The following CCNYL1 variants were observed in gnomAD, a reference collection of about 807,000 sequenced individuals.
The protein encoded by CCNYL1 is cyclin-Y-like protein 1.
A neutral mutation model predicts 44.2 loss-of-function variants in CCNYL1; 16 were observed. The observed-to-expected ratio is 0.36, with a 90% CI of 0.25 to 0.55. CCNYL1 has a LOEUF of 0.55. Among genes scored for constraint, CCNYL1 ranks in the 20% least tolerant of loss-of-function variants. The pLI, the probability that CCNYL1 is intolerant of heterozygous loss-of-function variation, is 0.85. For missense variants in CCNYL1, 348 were observed against 451.8 expected (o/e 0.77, Z 2.08); for synonymous variants, 159 against 163.2 (o/e 0.97, Z 0.20).
chr2:207,716,334 C>CCT (rs930284405), intron 1 of CCNYL1, among the ~76,000 whole-genome samples: 1 of 143,562 alleles, frequency 7.0e-6, no homozygotes. Flanking sequence ...TATTTTAAGC[C>CCT]CTCTCTTTTT....
chr2:207,716,464 T>C (rs1164844960), intron 1 of CCNYL1, among the ~76,000 whole-genome samples: 1 of 152,176 alleles, frequency 6.6e-6, no homozygotes, highest in African/African-American at 2.4e-5. Context: ...ATGAGATCAT[T>C]CTATATGAGC....
At chr2:207,727,743 T>G (rs552672806) in intron 3 of CCNYL1, among the ~76,000 whole-genome samples, 2 of 152,310 alleles carry the variant, frequency 1.3e-5, no homozygotes, top group South Asian at 4.1e-4. Context: ...CTAAGACTGT[T>G]CTGTGCCTGT....
At chr2:207,712,163 G>A in intron 1 of CCNYL1, 47 bp downstream of exon 1, 1 of 1,519,764 alleles carries the variant, frequency 6.6e-7, no homozygotes, top group Admixed American at 1.8e-5. Context: ...ACCTCTGCCC[G>A]CCTCCTCCCC....
rs761041046 is a variant in CCNYL1, at chr2:207,754,622, T to TTTTG, written c.*932_*935dup. ...CATGATTTGAAAGTTTTTTGTTTTGTTTTGTTTGTTTTTAAAGAGATGGGG... is the reference window on the plus strand; with the variant it reads ...CATGATTTGAAAGTTTTTTGTTTTGTTTTGTTTGTTTGTTTTTAAAGAGATGGGG... On this transcript the variant is annotated 3_prime_UTR_variant, in exon 10 of 10. Coordinates refer to ENST00000295414, the MANE Select transcript of CCNYL1 (RefSeq NM_001330218.2). The TTTTG allele has an allele frequency of 4.6e-5, 7 of 152,324 alleles. No homozygotes were observed. Among genetic ancestry groups the TTTTG allele is most frequent in the East Asian group, 1.9e-4 (1 of 5,130 alleles). 9.4% of individuals were successfully genotyped at this position (152,324 alleles called of 1,614,324 possible). A position where few individuals can be genotyped will look rare whatever the true frequency, so the allele number is the denominator to read the frequency against.
chr2:207,722,719 G>T (rs2091650145), intron 1 of CCNYL1, among the ~76,000 whole-genome samples: 1 of 152,066 alleles, frequency 6.6e-6, no homozygotes, highest in Non-Finnish European at 1.5e-5. Context: ...CCAGAACTTT[G>T]GGAGGCCGAG....
intron 3 of CCNYL1, among the ~76,000 whole-genome samples, chr2:207,731,321 C>T (rs1478742683): frequency 6.6e-6 from 1 of 152,112 alleles, no homozygotes; most frequent in African/African-American, 2.4e-5. Context: ...TCAGTTGTGA[C>T]TCAGTAGATT....
chr2:207,720,996 A>G (rs1201608098), intron 1 of CCNYL1, among the ~76,000 whole-genome samples: 1 of 152,126 alleles, frequency 6.6e-6, no homozygotes, highest in African/African-American at 2.4e-5. Context: ...GTGACCTCAG[A>G]TGAGGCAGGG....
At chr2:207,742,994 A>G (rs2091822726) in intron 7 of CCNYL1, among the ~76,000 whole-genome samples, 1 of 152,360 alleles carries the variant, frequency 6.6e-6, no homozygotes, top group South Asian at 2.1e-4. Flanking sequence ...ATCCTATTCA[A>G]GTGGTTAGGA....
chr2:207,726,798 G>A, intron 2 of CCNYL1, 44 bp from the exon 3 acceptor site: 3 of 1,355,964 alleles, frequency 2.2e-6, no homozygotes, highest in Non-Finnish European at 3.1e-6. Context: ...TTTATACTGT[G>A]GCATTTGTAT....
chr2:207,717,096 G>A (rs564133045), intron 1 of CCNYL1, among the ~76,000 whole-genome samples: 3 of 144,404 alleles, frequency 2.1e-5, no homozygotes, highest in Admixed American at 6.9e-5. Context: ...GTGACGGAGC[G>A]AGACTCCATC....
intron 1 of CCNYL1, among the ~76,000 whole-genome samples, chr2:207,719,056 G>C (rs931136932): frequency 6.6e-6 from 1 of 151,606 alleles, no homozygotes; most frequent in Non-Finnish European, 1.5e-5. Context: ...AAACAAGGAG[G>C]AGAATGTACA....
intron 1 of CCNYL1, among the ~76,000 whole-genome samples, chr2:207,717,431 A>G (rs988710651): frequency 3.9e-5 from 6 of 152,208 alleles, no homozygotes; most frequent in African/African-American, 1.4e-4. Flanking sequence ...TAGGGCAGAC[A>G]GTGGTATACA....
At chr2:207,745,348 C>G (rs1377094316) in intron 7 of CCNYL1, among the ~76,000 whole-genome samples, 2 of 152,184 alleles carry the variant, frequency 1.3e-5, no homozygotes, top group Non-Finnish European at 2.9e-5. Flanking sequence ...GAAAAGAACT[C>G]TCACACTGAC....
At chr2:207,715,075 C>A (rs2091582966) in intron 1 of CCNYL1, among the ~76,000 whole-genome samples, 1 of 152,148 alleles carries the variant, frequency 6.6e-6, no homozygotes, top group Non-Finnish European at 1.5e-5. Flanking sequence ...CGAGAGCAGC[C>A]TGGCCAACAT....
intron 9 of CCNYL1, among the ~76,000 whole-genome samples, 181 bp from the exon 10 acceptor site, chr2:207,753,407 C>T (rs1416632789): frequency 6.6e-6 from 1 of 152,150 alleles, no homozygotes; most frequent in Non-Finnish European, 1.5e-5. Flanking sequence ...AAGGATATTA[C>T]CTTGGTGAAC....
At position 207,711,828 on chromosome 2, in the gene CCNYL1, G is replaced by A. The variant is rs1217620490; in HGVS notation, c.-69G>A. 4.6e-6 allele frequency: 5 copies of A among 1,092,064 alleles called. No homozygotes were observed. The highest frequency in any genetic ancestry group is 6.1e-6 in the Non-Finnish European group (5 of 825,988). The allele number at this position is 1,092,064 out of a possible 1,614,324, so 67.6% of individuals were successfully genotyped here. A position where few individuals can be genotyped will look rare whatever the true frequency, so the allele number is the denominator to read the frequency against. On this transcript the variant is annotated 5_prime_UTR_variant, in exon 1 of 10. Coordinates refer to ENST00000295414, the MANE Select transcript of CCNYL1 (RefSeq NM_001330218.2). ...CCGGCCGCGCCATTGTTGGGGGAGGGGGCGGCTGTTGAGGGCGGCGGAGTA... is the reference window on the plus strand; with the variant it reads ...CCGGCCGCGCCATTGTTGGGGGAGGAGGCGGCTGTTGAGGGCGGCGGAGTA...
rs1028953100 is a variant in CCNYL1, at chr2:207,714,376, C to G, written c.220+2260C>G. ...CTCACTGTGTTGACCAGGCTGGCCT[C>G]GAACTCCTGGCCTGGGCTCAAGCAG... On this transcript the variant is annotated intron_variant, in intron 1 of 9. Transcript: ENST00000295414. 1.2e-5 allele frequency: 5 copies of G among 407,146 alleles called. No homozygotes were observed. In the East Asian group the frequency reaches 3.0e-4, roughly 25 times the overall value. The allele number at this position is 407,146 out of a possible 1,614,324, so 25.2% of individuals were successfully genotyped here. A position where few individuals can be genotyped will look rare whatever the true frequency, so the allele number is the denominator to read the frequency against.
At chr2:207,753,427 G>C (rs534383567) in intron 9 of CCNYL1, among the ~76,000 whole-genome samples, 161 bp from the exon 10 acceptor site, 1 of 152,328 alleles carries the variant, frequency 6.6e-6, no homozygotes, top group East Asian at 1.9e-4. Flanking sequence ...CTGTCAGGAA[G>C]TAGTGTCCCC....
chr2:207,737,574 T>C, intron 5 of CCNYL1, 128 bp downstream of exon 5: 1 of 665,100 alleles, frequency 1.5e-6, no homozygotes, highest in Non-Finnish European at 2.4e-6. Flanking sequence ...ACTGAATCAT[T>C]TGTGGTTTTT....
Sources: allele counts gnomAD v4.1 joint callset (sites outside exome capture counted in the v4.1 genomes callset), GRCh38; gene constraint gnomAD v4.1.1; transcripts MANE v1.5; gene names NCBI Gene and HGNC (gene_info 2026-07-23, HGNC 2026-07-21).